The following ZC3H12B variants were observed in gnomAD, a reference collection of about 807,000 sequenced individuals.
ZC3H12B encodes probable ribonuclease ZC3H12B.
In ZC3H12B, 7 loss-of-function variants were observed where a neutral mutation model predicts 43.9. That is an observed-to-expected ratio of 0.16 (90% CI 0.09 to 0.30). The LOEUF is 0.30. Among genes scored for constraint, ZC3H12B ranks in the 10% least tolerant of loss-of-function variants. ZC3H12B has a pLI of 1.00. For synonymous variants in ZC3H12B, 222 were observed against 241.7 expected, an observed-to-expected ratio of 0.92 and a Z score of 0.76; for missense variants, 475 against 670.2, an observed-to-expected ratio of 0.71 and a Z score of 3.22.
At chrX:65,053,459 A>G in the ZC3H12B span, among the ~76,000 whole-genome samples, 2 of 111,763 alleles carry the variant, frequency 1.8e-5, no homozygotes, top group African/African-American at 6.5e-5. Context: ...AAGGCTGCAT[A>G]GTATTCCATG....
At chrX:65,284,990 C>T in the ZC3H12B span, among the ~76,000 whole-genome samples, 1 of 110,695 alleles carries the variant, frequency 9.0e-6, no homozygotes, top group African/African-American at 3.3e-5. Flanking sequence ...TTTGGGAAAA[C>T]ATACAGTGAC....
At chrX:65,186,051 T>C in the ZC3H12B span, 1 of 111,863 alleles carries the variant, frequency 8.9e-6, no homozygotes, top group Non-Finnish European at 1.9e-5. Flanking sequence ...GATTATATTG[T>C]TTATGGAGAG....
the ZC3H12B span, among the ~76,000 whole-genome samples, chrX:65,102,676 C>A: frequency 3.6e-5 from 4 of 111,795 alleles, no homozygotes; most frequent in Middle Eastern, 4.6e-3. Context: ...ATACAACTTA[C>A]AAGGCACGTG....
chrX:65,107,661 A>G, the ZC3H12B span, among the ~76,000 whole-genome samples: 16 of 110,914 alleles, frequency 1.4e-4, no homozygotes, highest in African/African-American at 4.6e-4. Flanking sequence ...CCCTCATGCT[A>G]TTCTCGTGAT....
At chrX:65,128,591 G>T in the ZC3H12B span, among the ~76,000 whole-genome samples, 2 of 111,807 alleles carry the variant, frequency 1.8e-5, no homozygotes, top group African/African-American at 3.2e-5. Flanking sequence ...TAGTGTTCTT[G>T]CATTCTTCTA....
the ZC3H12B span, among the ~76,000 whole-genome samples, chrX:65,072,527 T>C: frequency 3.6e-5 from 4 of 112,534 alleles, no homozygotes; most frequent in Non-Finnish European, 7.5e-5. Context: ...GATGTTCATT[T>C]AGTCTTTGAG....
At chrX:65,218,306 G>C in the ZC3H12B span, among the ~76,000 whole-genome samples, 1 of 112,224 alleles carries the variant, frequency 8.9e-6, no homozygotes, top group Non-Finnish European at 1.9e-5. Context: ...GGAAAGCCAA[G>C]AGAATTCACA....
At chrX:65,148,097 G>A in the ZC3H12B span, among the ~76,000 whole-genome samples, 16 of 111,150 alleles carry the variant, frequency 1.4e-4, no homozygotes, top group Non-Finnish European at 2.8e-4. Context: ...CCAGCCTGGA[G>A]GATAGGGCCA....
the ZC3H12B span, among the ~76,000 whole-genome samples, chrX:65,314,603 A>G: frequency 8.9e-6 from 1 of 112,166 alleles, no homozygotes; most frequent in Non-Finnish European, 1.9e-5. Context: ...AGAGAAAGGA[A>G]ATCTAAAAGA....
intron 3 of ZC3H12B, among the ~76,000 whole-genome samples, chrX:65,415,021 G>A (rs992399603): frequency 2.7e-5 from 3 of 112,290 alleles, no homozygotes; most frequent in African/African-American, 9.7e-5. Context: ...TATACATTTT[G>A]GGAAGGCATA....
At chrX:65,469,287 G>A (rs1436767587) in intron 3 of ZC3H12B, 4 of 272,316 alleles carry the variant, frequency 1.5e-5, no homozygotes, top group African/African-American at 8.5e-5. Context: ...CTGGTGCTCC[G>A]AGCGCATCAA....
At chrX:65,475,297 G>A (rs2067977758) in intron 3 of ZC3H12B, among the ~76,000 whole-genome samples, 1 of 111,599 alleles carries the variant, frequency 9.0e-6, no homozygotes, top group South Asian at 3.7e-4. Flanking sequence ...GTTTCTTTCA[G>A]TTTGAAGAGT....
chrX:65,358,037 C>G, the ZC3H12B span, among the ~76,000 whole-genome samples: 29 of 108,089 alleles, frequency 2.7e-4, no homozygotes, highest in Admixed American at 2.8e-3. Context: ...AAAAAACAGC[C>G]CTTGCAATCC....
chrX:65,119,051 G>T, the ZC3H12B span, among the ~76,000 whole-genome samples: 1 of 111,019 alleles, frequency 9.0e-6, no homozygotes, highest in East Asian at 2.8e-4. Flanking sequence ...ATCTATCATT[G>T]TTGGACATTT....
chrX:65,361,012 A>G, the ZC3H12B span, among the ~76,000 whole-genome samples: 1 of 112,437 alleles, frequency 8.9e-6, no homozygotes, highest in Non-Finnish European at 1.9e-5. Flanking sequence ...TGAGGTAAAT[A>G]TATGGAATTA....
At chrX:65,272,036 A>T in the ZC3H12B span, 1 of 109,365 alleles carries the variant, frequency 9.1e-6, no homozygotes, top group Non-Finnish European at 1.9e-5. Flanking sequence ...AACACGGTGA[A>T]ATCCCGTCTC....
At chrX:65,317,281 C>A in the ZC3H12B span, among the ~76,000 whole-genome samples, 2 of 109,826 alleles carry the variant, frequency 1.8e-5, no homozygotes, top group Non-Finnish European at 3.8e-5. Flanking sequence ...ATCATAGCAA[C>A]CACGGTCTTG....
intron 2 of ZC3H12B, among the ~76,000 whole-genome samples, chrX:65,385,462 G>A (rs746040575): frequency 9.0e-6 from 1 of 111,639 alleles, no homozygotes; most frequent in South Asian, 3.7e-4. Flanking sequence ...CCTGTTATTG[G>A]TGTATAGGAA....
At chrX:65,414,405 T>C (rs1010848719) in intron 3 of ZC3H12B, among the ~76,000 whole-genome samples, 2 of 111,635 alleles carry the variant, frequency 1.8e-5, no homozygotes, top group African/African-American at 6.5e-5. Flanking sequence ...AGGTTTCTAG[T>C]TGGTTTATGG....
Sources: gnomAD v4.1 joint callset for allele counts (sites outside exome capture counted in the v4.1 genomes callset) on GRCh38, gnomAD v4.1.1 for gene constraint, MANE v1.5 for transcripts, NCBI Gene and HGNC (gene_info 2026-07-23, HGNC 2026-07-21) for gene names.